Variants in SUPT16H observed in about 807,000 individuals in gnomAD.
The protein encoded by SUPT16H is SPT16 homolog, facilitates chromatin remodeling subunit.
A neutral mutation model predicts 136.2 loss-of-function variants in SUPT16H; 24 were observed. The ratio of observed to expected loss-of-function variants is 0.18; its 90% CI spans 0.13 to 0.25. The LOEUF (loss-of-function observed/expected upper bound fraction) is 0.25, where lower values mean the gene tolerates loss of function less well. SUPT16H is among the 10% of genes least tolerant of loss of function. The pLI, the probability that SUPT16H is intolerant of heterozygous loss-of-function variation, is 1.00. For synonymous variants in SUPT16H, 415 were observed against 428.2 expected, an observed-to-expected ratio of 0.97 and a Z score of 0.38; for missense variants, 623 against 1,270.2, an observed-to-expected ratio of 0.49 and a Z score of 7.74.
At chr14:21,354,565 C>T (rs1886387275) in intron 22 of SUPT16H, 25 bp from the exon 23 acceptor site, 1 of 1,610,932 alleles carries the variant, frequency 6.2e-7, no homozygotes, top group African/African-American at 1.3e-5. Context: ...ATGACAAAGT[C>T]AAATCAATCT....
chr14:21,352,909 T>C, intron 25 of SUPT16H, 91 bp from the exon 26 acceptor site: 2 of 1,548,142 alleles, frequency 1.3e-6, no homozygotes, highest in Non-Finnish European at 8.8e-7. Flanking sequence ...AGAATACACT[T>C]TGGAATCAGA....
intron 1 of SUPT16H, among the ~76,000 whole-genome samples, chr14:21,382,440 T>G (rs768774683): frequency 2.6e-5 from 4 of 152,202 alleles, no homozygotes; most frequent in African/African-American, 9.7e-5. Context: ...CACAGTTAAT[T>G]TGTCATGTAG....
chr14:21,373,036 T>G (rs569445003), intron 2 of SUPT16H, among the ~76,000 whole-genome samples: 2 of 152,140 alleles, frequency 1.3e-5, no homozygotes, highest in Admixed American at 1.3e-4. Context: ...CTCTACCTCC[T>G]GGGGTCATGC....
intron 2 of SUPT16H, chr14:21,372,277 T>C (rs761470133): frequency 1.1e-4 from 52 of 468,132 alleles, no homozygotes; most frequent in Non-Finnish European, 1.6e-4. Flanking sequence ...GTTTATATGC[T>C]TGAACTTTCT....
In SUPT16H at chr14:21,383,732, G is replaced by C. The variant is rs765233756; in HGVS notation, c.66+130C>G. On this transcript the variant is annotated intron_variant, in intron 1 of 25. Transcript: ENST00000216297. ...TGGCCGCCTCCGGTGAATGATTCGG[G>C]AGCAACGAAAAGGGTGAGGCACAGA... The C allele has an allele frequency of 1.9e-5, 20 of 1,027,212 alleles. No homozygotes were observed. In the Admixed American group the frequency reaches 3.6e-4, roughly 18 times the overall value. The allele number at this position is 1,027,212 out of a possible 1,614,324, so 63.6% of individuals were successfully genotyped here.
At chr14:21,367,174 G>A (rs918899068) in intron 7 of SUPT16H, among the ~76,000 whole-genome samples, 8 of 152,126 alleles carry the variant, frequency 5.3e-5, no homozygotes, top group African/African-American at 9.7e-5. Flanking sequence ...CTCATGATCC[G>A]CCTACCTTGG....
chr14:21,358,027 T>G (rs370249580), intron 20 of SUPT16H, 25 bp from the exon 21 acceptor site: 1 of 1,603,190 alleles, frequency 6.2e-7, no homozygotes, highest in Non-Finnish European at 8.5e-7. Flanking sequence ...CTTTTAAGAC[T>G]GAGCTCATCA....
intron 2 of SUPT16H, 27 bp from the exon 3 acceptor site, chr14:21,372,071 G>A (rs1886796288): frequency 8.2e-6 from 13 of 1,583,514 alleles, no homozygotes; most frequent in South Asian, 1.1e-5. Flanking sequence ...CAGTGACAAC[G>A]GTATTTACAG....
chr14:21,371,118 C>T lies in SUPT16H; in HGVS notation c.331-630G>A, dbSNP rs140842571. On this transcript the variant is annotated intron_variant, in intron 3 of 25. Coordinates refer to ENST00000216297, the MANE Select transcript of SUPT16H (RefSeq NM_007192.4). ...TCTGGAACTCCTGCGCTCAAGTGCT[C>T]GCCTCGGCCTCTCAAAGTATTGGGA... 2.6e-5 allele frequency among the ~76,000 whole-genome samples: 4 copies of T among 151,380 alleles called. No individual in the cohort carries two copies. The East Asian group carries it at 7.9e-4, about 30-fold the overall frequency.
chr14:21,362,874 T>A lies in SUPT16H; in HGVS notation c.1585A>T (p.Ile529Phe). The A allele has an allele frequency of 6.2e-7, 1 of 1,614,080 alleles. No homozygotes were observed. The change falls in exon 14 of 26, where the codon ATC becomes TTC. Residue 529 changes from isoleucine (I) to phenylalanine (F), a missense_variant. This residue lies in a region of SUPT16H where 62 missense variants were observed against 200.5 expected (regional missense o/e 0.31). Coordinates refer to ENST00000216297, the MANE Select transcript of SUPT16H (RefSeq NM_007192.4). ...GTCTCATATTTCTTATCGATGTAGATCTTCATTTCCCGAATATGTGGTTCC... is the reference window on the plus strand; with the variant it reads ...GTCTCATATTTCTTATCGATGTAGAACTTCATTTCCCGAATATGTGGTTCC... Reference protein sequence around the residue: ...PKEPHIREMKIYIDKKYETVI... With the variant: ...PKEPHIREMKFYIDKKYETVI...
chr14:21,380,041 C>T (rs1398119205), intron 1 of SUPT16H, among the ~76,000 whole-genome samples: 4 of 152,192 alleles, frequency 2.6e-5, no homozygotes, highest in Admixed American at 2.6e-4. Context: ...TCTGTGGATT[C>T]AACTGTGTAC....
Position 21,383,977 on chromosome 14 carries a change from G to A in SUPT16H, c.-50C>T, listed in dbSNP as rs367784722. The stretch of plus-strand genomic sequence containing the variant: ...GGTTCCGAGAATCACGCGAGGTCCC[G>A]GCTCAGCCACCCGCTCTCGGCCCAG... On this transcript the variant is annotated 5_prime_UTR_variant, in exon 1 of 26. Transcript: ENST00000216297. 2.4e-4 allele frequency: 390 copies of A among 1,608,156 alleles called. No individual in the cohort carries two copies. The highest frequency in any genetic ancestry group is 3.1e-4 in the Non-Finnish European group (365 of 1,176,494).
intron 19 of SUPT16H, 131 bp from the exon 20 acceptor site, chr14:21,358,558 T>C: frequency 4.6e-6 from 3 of 646,832 alleles, no homozygotes; most frequent in South Asian, 1.9e-5. Context: ...ATGGGCAGGA[T>C]TTGCAGGTTT....
chr14:21,362,580 G>A (rs1886579822), intron 14 of SUPT16H, among the ~76,000 whole-genome samples: 1 of 152,130 alleles, frequency 6.6e-6, no homozygotes, highest in Non-Finnish European at 1.5e-5. Context: ...AAGAAAGATA[G>A]GCAAATTATG....
At chr14:21,360,626 G>A in intron 17 of SUPT16H, 93 bp from the exon 18 acceptor site, 2 of 1,265,886 alleles carry the variant, frequency 1.6e-6, no homozygotes, top group South Asian at 1.4e-5. Context: ...AGGGTCAGAG[G>A]AAACACCAAC....
chr14:21,366,776 G>A (rs544962974), intron 7 of SUPT16H, among the ~76,000 whole-genome samples: 2 of 151,564 alleles, frequency 1.3e-5, no homozygotes, highest in East Asian at 3.9e-4. Context: ...AGCCTCCCAA[G>A]TAACTGGGAC....
At chr14:21,371,798 ACTC>A in intron 3 of SUPT16H, 73 bp downstream of exon 3, 1 of 1,544,040 alleles carries the variant, frequency 6.5e-7, no homozygotes, top group Non-Finnish European at 8.7e-7. Context: ...ATTCTTTCAA[ACTC>A]CTATAAGGCA....
At chr14:21,354,065 C>T (rs534189938) in intron 23 of SUPT16H, among the ~76,000 whole-genome samples, 1 of 152,246 alleles carries the variant, frequency 6.6e-6, no homozygotes, top group East Asian at 1.9e-4. Flanking sequence ...GCCTTCCTCA[C>T]CCAGGGAAAT....
At chr14:21,383,718 G>T (rs776624310) in intron 1 of SUPT16H, 144 bp downstream of exon 1, 1 of 913,076 alleles carries the variant, frequency 1.1e-6, no homozygotes, top group South Asian at 1.4e-5. Context: ...GGCCGCCTCC[G>T]GTGAATGATT....
Sources: gnomAD v4.1 joint callset for allele counts (sites outside exome capture counted in the v4.1 genomes callset) on GRCh38, gnomAD v4.1.1 for gene constraint, gnomAD v4.1.1 regional missense constraint, MANE v1.5 for transcripts, NCBI Gene and HGNC (gene_info 2026-07-23, HGNC 2026-07-21) for gene names.